Variants in C11orf54 observed in about 807,000 individuals in gnomAD.
C11orf54 encodes the protein beta-keto-L-gulonate decarboxylase.
Under a neutral mutation model 35.5 loss-of-function variants are expected in C11orf54, and 29 were observed. The ratio of observed to expected loss-of-function variants is 0.82; its 90% CI spans 0.61 to 1.11. The LOEUF (loss-of-function observed/expected upper bound fraction) is 1.11, where lower values mean the gene tolerates loss of function less well. C11orf54 is among the 50% of genes most tolerant of loss of function. The probability of loss-of-function intolerance (pLI) is 0.00; values close to 1 mark genes in which losing one functional copy is unlikely to be tolerated. For missense variants in C11orf54, 373 were observed against 369.2 expected (o/e 1.01, Z -0.08); for synonymous variants, 108 against 121.1 (o/e 0.89, Z 0.71).
rs532074630 is a variant in C11orf54, at chr11:93,756,908, G to T, written c.508-408G>T. Among the ~76,000 whole-genome samples the T allele has an allele frequency of 1.4e-4, 22 of 152,218 alleles. No homozygotes were observed. In the East Asian group the frequency reaches 4.3e-3, roughly 29 times the overall value. ...GAGATAATACAGAATTTTAAGGGAA[G>T]TGAGAAAATGTAATCATTTTCTCCT... is the stretch of plus-strand genomic sequence containing the variant. On this transcript the variant is annotated intron_variant, in intron 6 of 8. Transcript: ENST00000354421.
chr11:93,759,100 GTGA>G (rs1369457572), intron 7 of C11orf54, among the ~76,000 whole-genome samples: 1 of 152,236 alleles, frequency 6.6e-6, no homozygotes, highest in Non-Finnish European at 1.5e-5. Flanking sequence ...AGTCAGTGTG[GTGA>G]TTCCTCAAGG....
chr11:93,756,460 T>G (rs1745114467), intron 6 of C11orf54, among the ~76,000 whole-genome samples: 1 of 147,352 alleles, frequency 6.8e-6, no homozygotes, highest in Admixed American at 6.9e-5. Context: ...ACCACTGCAC[T>G]CCTACCTAGG....
At position 93,754,006 on chromosome 11, in the gene C11orf54, G is replaced by A. The variant is rs775913027; in HGVS notation, c.299G>A (p.Gly100Asp). 1.2e-6 allele frequency: 2 copies of A among 1,614,040 alleles called. No individual in the cohort carries two copies. The highest frequency in any genetic ancestry group is 2.2e-5 in the East Asian group (1 of 44,850). ...GCCTTTATTCTTGGAGCAGGAGCAG[G>A]TCCATTTCAGACTCTCGGGTTCAAT... ...PGAFILGAGA[G>D]PFQTLGFNSE... Residue 100 changes from glycine to aspartate, a missense_variant, in exon 5 of 9, where the codon GGT (glycine) becomes GAT (aspartate). Physicochemically the swap from Gly to Asp is moderately conservative, Grantham distance 94. Coordinates refer to ENST00000354421, the MANE Select transcript of C11orf54 (RefSeq NM_001286069.2).
intron 5 of C11orf54, among the ~76,000 whole-genome samples, chr11:93,754,242 T>G (rs546928895): frequency 6.6e-6 from 1 of 152,222 alleles, no homozygotes; most frequent in Non-Finnish European, 1.5e-5. Context: ...TAGATTTTCT[T>G]AGGTCATAGC....
chr11:93,759,835 C>A lies in C11orf54; in HGVS notation c.751C>A (p.Pro251Thr). Residue 251 changes from proline to threonine, a missense_variant, in exon 8 of 9, where the codon CCA (proline) becomes ACA (threonine). By Grantham distance (38) the Pro-to-Thr change is conservative. Transcript: ENST00000354421. ...YEMKAPLVCL[P>T]VFVSRDPGFD... Reference sequence around the variant, plus strand: ...AATGAAAGCTCCTTTGGTTTGTCTACCAGTTTTTGTCTCCAGAGACCCAGT... The same window carrying A: ...AATGAAAGCTCCTTTGGTTTGTCTAACAGTTTTTGTCTCCAGAGACCCAGT... The A allele has an allele frequency of 6.2e-7, 1 of 1,604,856 alleles. No homozygotes were observed. Among genetic ancestry groups the A allele is most frequent in the South Asian group, 1.1e-5 (1 of 90,342 alleles).
chr11:93,750,579 T>C, intron 3 of C11orf54, 135 bp downstream of exon 3: 3 of 664,688 alleles, frequency 4.5e-6, no homozygotes, highest in Non-Finnish European at 7.6e-6. Context: ...TTGTGCCAAA[T>C]TTCTGTGCTC....
chr11:93,757,061 C>T (rs1943192091), intron 6 of C11orf54, among the ~76,000 whole-genome samples: 1 of 152,026 alleles, frequency 6.6e-6, no homozygotes, highest in African/African-American at 2.4e-5. Context: ...TTGTCTTTCT[C>T]AGTTTCTCAG....
In C11orf54 at chr11:93,763,431, A is replaced by C. The variant is rs1943554406; in HGVS notation, c.*1743A>C. 6.6e-6 allele frequency: 1 copy of C among 152,130 alleles called. No homozygotes were observed. The highest frequency in any genetic ancestry group is 2.1e-4 in the South Asian group (1 of 4,832). 9.4% of individuals were successfully genotyped at this position (152,130 alleles called of 1,614,324 possible). The stretch of plus-strand genomic sequence containing the variant: ...CGCACTGAGACAGGATGCATTCCAC[A>C]CTCAAAATTTGGTTCACATGTCCAG... On this transcript the variant is annotated 3_prime_UTR_variant, in exon 9 of 9. Coordinates refer to ENST00000354421, the MANE Select transcript of C11orf54 (RefSeq NM_001286069.2).
chr11:93,747,936 TAGG>T (rs1332280345), intron 2 of C11orf54, among the ~76,000 whole-genome samples: 1 of 151,996 alleles, frequency 6.6e-6, no homozygotes. Flanking sequence ...CAAGATAAAT[TAGG>T]AGGGAAGATA....
intron 3 of C11orf54, among the ~76,000 whole-genome samples, chr11:93,752,246 G>T (rs1384674081): frequency 6.6e-6 from 1 of 152,164 alleles, no homozygotes; most frequent in Admixed American, 6.5e-5. Context: ...CTAGAAGCCA[G>T]ATATGCATCT....
intron 8 of C11orf54, among the ~76,000 whole-genome samples, chr11:93,760,592 T>G (rs528610286): frequency 1.3e-5 from 2 of 152,326 alleles, no homozygotes; most frequent in African/African-American, 4.8e-5. Context: ...ATTATAATAC[T>G]ATACGCTAGA....
intron 1 of C11orf54, among the ~76,000 whole-genome samples, chr11:93,745,052 A>G (rs961097507): frequency 6.6e-6 from 1 of 152,224 alleles, no homozygotes; most frequent in African/African-American, 2.4e-5. Flanking sequence ...CAAACATCTC[A>G]GTGTAGCAAA....
chr11:93,753,849 AG>A, intron 4 of C11orf54, 86 bp from the exon 5 acceptor site: 2 of 1,521,008 alleles, frequency 1.3e-6, no homozygotes, highest in Non-Finnish European at 1.8e-6. Flanking sequence ...TCAGTTGGCA[AG>A]GAAGTGCTAA....
At chr11:93,747,520 T>C in intron 2 of C11orf54, 72 bp downstream of exon 2, 3 of 1,125,772 alleles carry the variant, frequency 2.7e-6, no homozygotes, top group Admixed American at 2.4e-5. Context: ...GATTCTAAGA[T>C]CTATCTATAT....
chr11:93,757,595 T>G, intron 7 of C11orf54, 130 bp downstream of exon 7: 1 of 1,016,186 alleles, frequency 9.8e-7, no homozygotes, highest in Non-Finnish European at 1.4e-6. Context: ...AGTGGCACAA[T>G]CTTGGCTCAC....
At position 93,753,670 on chromosome 11, in the gene C11orf54, G is replaced by T. The variant is rs763736672; in HGVS notation, c.155-12G>T. 1.7e-5 allele frequency: 28 copies of T among 1,611,526 alleles called. No homozygotes were observed. The African/African-American group carries it at 1.9e-4, about 11-fold the overall frequency. On this transcript the variant is annotated splice_polypyrimidine_tract_variant and intron_variant, in intron 3 of 8. Coordinates refer to ENST00000354421, the MANE Select transcript of C11orf54 (RefSeq NM_001286069.2). ...AGGTGGCTTGTGTTTTTGTTTTTTGGTTTTTTCTTAGGCATCTGTGGGAAA... is the reference window on the plus strand; with the variant it reads ...AGGTGGCTTGTGTTTTTGTTTTTTGTTTTTTTCTTAGGCATCTGTGGGAAA...
chr11:93,759,455 A>G (rs919714870), intron 7 of C11orf54, among the ~76,000 whole-genome samples: 2 of 152,012 alleles, frequency 1.3e-5, no homozygotes, highest in Non-Finnish European at 2.9e-5. Flanking sequence ...ATGGGAACAC[A>G]TGGACACAGG....
At chr11:93,760,154 AG>A (rs1465760703) in intron 8 of C11orf54, among the ~76,000 whole-genome samples, 1 of 152,162 alleles carries the variant, frequency 6.6e-6, no homozygotes, top group East Asian at 1.9e-4. Flanking sequence ...CACGTTGGTC[AG>A]GCTGGTCTCA....
At chr11:93,759,193 T>TA (rs539256397) in intron 7 of C11orf54, among the ~76,000 whole-genome samples, 1 of 152,176 alleles carries the variant, frequency 6.6e-6, no homozygotes, top group Non-Finnish European at 1.5e-5. Flanking sequence ...CATTCTGTGA[T>TA]AAAGATACAC....
Sources: allele counts gnomAD v4.1 joint callset (sites outside exome capture counted in the v4.1 genomes callset), GRCh38; gene constraint gnomAD v4.1.1; transcripts MANE v1.5; gene names NCBI Gene and HGNC (gene_info 2026-07-23, HGNC 2026-07-21).